Variants in PRSS50 observed in about 807,000 individuals in gnomAD.
PRSS50 encodes the protein probable threonine protease PRSS50.
In PRSS50, 23 loss-of-function variants were observed where a neutral mutation model predicts 34.2. The observed-to-expected ratio is 0.67, with a 90% CI of 0.48 to 0.95. The LOEUF (loss-of-function observed/expected upper bound fraction) is 0.95, where lower values mean the gene tolerates loss of function less well. Ranked by LOEUF, PRSS50 falls within the 40% of genes least tolerant of loss-of-function variation. PRSS50 has a pLI of 0.00. For synonymous variants in PRSS50, 224 were observed against 211.2 expected, an observed-to-expected ratio of 1.06 and a Z score of -0.53; for missense variants, 484 against 513.4, an observed-to-expected ratio of 0.94 and a Z score of 0.55.
chr3:46,712,937 C>T lies in PRSS50; in HGVS notation c.885G>A (p.Met295Ile), dbSNP rs1700638459. 1 of 1,614,188 alleles carries T rather than the reference C, an allele frequency of 6.2e-7. No individual in the cohort carries two copies. The highest frequency in any genetic ancestry group is 8.5e-7 in the Non-Finnish European group (1 of 1,180,020). ...TCTCCCTGTGGGTGTCCTCCGCACA[C>T]ATCATCTGGGACTTGATGATCTGAA... ...TLVQIIKSQM[M>I]CAEDTHREKF... Residue 295 changes from methionine (M) to isoleucine (I), a missense_variant, in exon 5 of 6, where the codon ATG becomes ATA. Physicochemically the swap from Met to Ile is conservative, Grantham distance 10 (BLOSUM62 1). Coordinates refer to ENST00000315170, the MANE Select transcript of PRSS50 (RefSeq NM_013270.5).
At chr3:46,714,119 G>A (rs1700649094) in intron 4 of PRSS50, 99 bp downstream of exon 4, 2 of 1,457,898 alleles carry the variant, frequency 1.4e-6, no homozygotes, top group African/African-American at 1.4e-5. Flanking sequence ...GGCTCCCTGG[G>A]GAAGGTGCCT....
Position 46,712,351 on chromosome 3 carries a change from G to T in PRSS50, c.1053C>A (p.His351Gln). 1.2e-6 allele frequency: 2 copies of T among 1,613,922 alleles called. No homozygotes were observed. The highest frequency in any genetic ancestry group is 1.7e-5 in the Admixed American group (1 of 60,004). The change falls in exon 6 of 6, where the codon CAC becomes CAA. Residue 351 changes from histidine (H) to glutamine (Q), a missense_variant. Physicochemically the swap from His to Gln is conservative, Grantham distance 24 (BLOSUM62 0). Transcript: ENST00000315170. ...PIYLQVSSYQHWIWDCLNGQA... is the reference protein window; with the variant it reads ...PIYLQVSSYQQWIWDCLNGQA... Reference sequence around the variant, plus strand: ...GCCCGTTGAGGCAGTCCCAGATCCAGTGTTGGTAGGAGGAGACCTGTAGGT... The same window carrying T: ...GCCCGTTGAGGCAGTCCCAGATCCATTGTTGGTAGGAGGAGACCTGTAGGT...
rs1202334538 is a variant in PRSS50 at position 46,715,308 on chromosome 3, C to T, written c.470+227G>A. The stretch of plus-strand genomic sequence containing the variant: ...CTTCTGAGCTTCCATTTCCCATCTG[C>T]GGAATGACTGCACGGGACTGAGAGG... On this transcript the variant is annotated intron_variant, in intron 3 of 5. Transcript: ENST00000315170. The surrounding 1 kb of genome is among the most constrained non-coding windows in gnomAD (Gnocchi z 5.2). 1.3e-5 allele frequency among the ~76,000 whole-genome samples: 2 copies of T among 152,140 alleles called. No individual in the cohort carries two copies. The highest frequency in any genetic ancestry group is 2.9e-5 in the Non-Finnish European group (2 of 68,032).
Position 46,713,070 on chromosome 3 carries a change from G to A in PRSS50, c.755-3C>T. The A allele has an allele frequency of 4.3e-6, 7 of 1,613,768 alleles. No homozygotes were observed. Among genetic ancestry groups the A allele is most frequent in the Non-Finnish European group, 5.9e-6 (7 of 1,179,774 alleles). On this transcript the variant is annotated splice_polypyrimidine_tract_variant and splice_region_variant and intron_variant, in intron 4 of 5. Coordinates refer to ENST00000315170, the MANE Select transcript of PRSS50 (RefSeq NM_013270.5). Reference sequence around the variant, plus strand: ...GGTCCGGAACTGAGGCCACATGCCTGTGGGACAGGGCCCCATTTAGGCGCA... The same window carrying A: ...GGTCCGGAACTGAGGCCACATGCCTATGGGACAGGGCCCCATTTAGGCGCA...
In PRSS50 at chr3:46,717,767, AG is replaced by A. The variant is rs770673582; in HGVS notation, c.57del (p.Ser20ProfsTer13). 2.0e-5 allele frequency: 31 copies of A among 1,583,174 alleles called. 1 individual carries two copies. The highest frequency in any genetic ancestry group is 2.6e-5 in the Non-Finnish European group (30 of 1,166,108). ...AGCAGCAGCAGGGCACCGGCGCGGG[AG>A]GGGGCAGACGTCCGGGGGCGCTGCC... The part of the protein sequence containing the change: ...ARGQRPRTSA[P>X]SRAGALLLLL... On this transcript the variant is annotated frameshift_variant, in exon 1 of 6. Coordinates refer to ENST00000315170, the MANE Select transcript of PRSS50 (RefSeq NM_013270.5). LOFTEE classifies it high-confidence loss of function. The surrounding 1 kb of genome is among the most constrained non-coding windows in gnomAD (Gnocchi z 4.5).
rs551866413 is a variant in PRSS50 at position 46,716,110 on chromosome 3, C to G, written c.308-413G>C. 1.3e-5 allele frequency among the ~76,000 whole-genome samples: 2 copies of G among 152,322 alleles called. No homozygotes were observed. The highest frequency in any genetic ancestry group is 4.1e-4 in the South Asian group (2 of 4,828). Reference sequence around the variant, plus strand: ...CTCCTCTGGGAACCCCTTTCTGTGGCTCAGTGAGAGGAAAGTGGATGCCCC... The same window carrying G: ...CTCCTCTGGGAACCCCTTTCTGTGGGTCAGTGAGAGGAAAGTGGATGCCCC... On this transcript the variant is annotated intron_variant, in intron 2 of 5. Coordinates refer to ENST00000315170, the MANE Select transcript of PRSS50 (RefSeq NM_013270.5). The surrounding 1 kb of genome is among the most constrained non-coding windows in gnomAD (Gnocchi z 4.4).
In PRSS50 at chr3:46,717,606, C is replaced by G. The variant is rs757096322; in HGVS notation, c.138G>C (p.Ala46=). The change falls in exon 2 of 6, where the codon GCG becomes GCC. Residue 46 remains alanine (A), a synonymous_variant. Transcript: ENST00000315170. The surrounding 1 kb of genome is among the most constrained non-coding windows in gnomAD (Gnocchi z 4.5). ...GGTCGGCGGGATCAGCAGTGGACAG[C>G]GCCCCCGGGGCTTCCCCTGCGCCCC... ...GCWGAGEAPG[A]LSTADPADQS... The G allele has an allele frequency of 2.5e-6, 4 of 1,613,124 alleles. No individual in the cohort carries two copies. The South Asian group carries it at 4.4e-5, about 18-fold the overall frequency.
rs772117290 is a variant in PRSS50 at position 46,712,196 on chromosome 3, C to T, written c.*50G>A. The T allele has an allele frequency of 2.0e-6, 3 of 1,486,288 alleles. No individual in the cohort carries two copies. In the South Asian group the frequency reaches 3.7e-5, roughly 18 times the overall value. 92.1% of individuals were successfully genotyped at this position (1,486,288 alleles called of 1,614,324 possible). The stretch of plus-strand genomic sequence containing the variant: ...GCTGTGACAGCTGCACCCACAGCAA[C>T]CTGGGCACGGAGGCAAGGGGGGCCC... On this transcript the variant is annotated 3_prime_UTR_variant, in exon 6 of 6. Coordinates refer to ENST00000315170, the MANE Select transcript of PRSS50 (RefSeq NM_013270.5).
In PRSS50 at chr3:46,717,663, A is replaced by C. The variant is rs1700703578; in HGVS notation, c.107-26T>G. On this transcript the variant is annotated intron_variant, in intron 1 of 5. Coordinates refer to ENST00000315170, the MANE Select transcript of PRSS50 (RefSeq NM_013270.5). The surrounding 1 kb of genome is among the most constrained non-coding windows in gnomAD (Gnocchi z 4.5). ...CTGCGGAGGACGTCGAGCGGATTAG[A>C]GGTGGAAGGCGAGGGCCGCGTCAGG... The C allele has an allele frequency of 6.2e-7, 1 of 1,608,548 alleles. No individual in the cohort carries two copies. The highest frequency in any genetic ancestry group is 1.3e-5 in the African/African-American group (1 of 74,750).
intron 4 of PRSS50, among the ~76,000 whole-genome samples, 164 bp from the exon 5 acceptor site, chr3:46,713,231 G>GC (rs1396762999): frequency 6.6e-6 from 1 of 152,094 alleles, no homozygotes; most frequent in Non-Finnish European, 1.5e-5. Flanking sequence ...TCAACACAGA[G>GC]CCCCCGGAGC....
At position 46,714,282 on chromosome 3, in the gene PRSS50, C is replaced by T. The variant is rs561610741; in HGVS notation, c.690G>A (p.Thr230=). 4.3e-6 allele frequency: 7 copies of T among 1,614,144 alleles called. No homozygotes were observed. Among genetic ancestry groups the T allele is most frequent in the South Asian group, 3.3e-5 (3 of 91,084 alleles). ...GGGAATGGTCCTTCAACACATAGTC[C>T]GTGCCAGGCAGGCAGATGGGCCGCA... ...NYVRPICLPG[T]DYVLKDHSRC... The change falls in exon 4 of 6, where the codon ACG becomes ACA. Residue 230 remains threonine (T), a synonymous_variant. Coordinates refer to ENST00000315170, the MANE Select transcript of PRSS50 (RefSeq NM_013270.5).
Position 46,717,711 on chromosome 3 carries a change from G to T in PRSS50, c.106+8C>A. The T allele has an allele frequency of 6.3e-7, 1 of 1,598,008 alleles. No homozygotes were observed. The highest frequency in any genetic ancestry group is 2.3e-5 in the East Asian group (1 of 44,014). On this transcript the variant is annotated splice_region_variant and intron_variant, in intron 1 of 5. Transcript: ENST00000315170. This position sits in a 1 kb window ranked among gnomAD's most constrained non-coding sequence, Gnocchi z 4.5. ...AGGCGGGTGGGGTAGGGATCGGGAG[G>T]GACTCACCTGCAGACCTCAGCAACA...
At position 46,717,135 on chromosome 3, in the gene PRSS50, C is replaced by T. The variant is rs573319781; in HGVS notation, c.307+302G>A. 6.6e-6 allele frequency among the ~76,000 whole-genome samples: 1 copy of T among 152,316 alleles called. No homozygotes were observed. Among genetic ancestry groups the T allele is most frequent in the South Asian group, 2.1e-4 (1 of 4,822 alleles). On this transcript the variant is annotated intron_variant, in intron 2 of 5. Coordinates refer to ENST00000315170, the MANE Select transcript of PRSS50 (RefSeq NM_013270.5). This position sits in a 1 kb window ranked among gnomAD's most constrained non-coding sequence, Gnocchi z 4.5. Reference sequence around the variant, plus strand: ...GGCCTGGAGCAGGGTGAGAGGCCACCTGCCCCACAGCCAGCTCAGGCGAGG... The same window carrying T: ...GGCCTGGAGCAGGGTGAGAGGCCACTTGCCCCACAGCCAGCTCAGGCGAGG...
rs762731232 is a variant in PRSS50, at chr3:46,712,210, C to T, written c.*36G>A. On this transcript the variant is annotated 3_prime_UTR_variant, in exon 6 of 6. Coordinates refer to ENST00000315170, the MANE Select transcript of PRSS50 (RefSeq NM_013270.5). ...ACCCACAGCAACCTGGGCACGGAGG[C>T]AAGGGGGGCCCACAAGTGAGGGAGG... 21 of 1,557,090 alleles carry T rather than the reference C, an allele frequency of 1.3e-5. No homozygotes were observed. The highest frequency in any genetic ancestry group is 1.8e-5 in the Admixed American group (1 of 55,604).
At position 46,715,525 on chromosome 3, in the gene PRSS50, C is replaced by T. The variant is rs1258183108; in HGVS notation, c.470+10G>A. The T allele has an allele frequency of 6.2e-7, 1 of 1,608,240 alleles. No individual in the cohort carries two copies. The highest frequency in any genetic ancestry group is 8.5e-7 in the Non-Finnish European group (1 of 1,175,382). On this transcript the variant is annotated intron_variant, in intron 3 of 5. Coordinates refer to ENST00000315170, the MANE Select transcript of PRSS50 (RefSeq NM_013270.5). This position sits in a 1 kb window ranked among gnomAD's most constrained non-coding sequence, Gnocchi z 5.2. ...ACCTCTCCACCCACCCCACCTCAGCCTTGACTCACCAGATCAGGCAGTGGG... is the reference window on the plus strand; with the variant it reads ...ACCTCTCCACCCACCCCACCTCAGCTTTGACTCACCAGATCAGGCAGTGGG...
chr3:46,714,838 G>A (rs1453946355), intron 3 of PRSS50, among the ~76,000 whole-genome samples: 1 of 152,218 alleles, frequency 6.6e-6, no homozygotes. Context: ...CCATAGCATG[G>A]ACTCTTTCAC....
rs563436161 is a variant in PRSS50, at chr3:46,716,701, C to T, written c.307+736G>A. ...CCACGGCTGGTGGGAGTGCTCACTG[C>T]TGCAGCCGCTTTGGAAAACAATTTC... On this transcript the variant is annotated intron_variant, in intron 2 of 5. Coordinates refer to ENST00000315170, the MANE Select transcript of PRSS50 (RefSeq NM_013270.5). This position sits in a 1 kb window ranked among gnomAD's most constrained non-coding sequence, Gnocchi z 4.4. 6.6e-6 allele frequency among the ~76,000 whole-genome samples: 1 copy of T among 152,228 alleles called. No homozygotes were observed. The highest frequency in any genetic ancestry group is 1.5e-5 in the Non-Finnish European group (1 of 68,042).
Position 46,714,477 on chromosome 3 carries a change from C to T in PRSS50, c.495G>A (p.Arg165=), listed in dbSNP as rs1465221890. The T allele has an allele frequency of 6.2e-7, 1 of 1,603,192 alleles. No individual in the cohort carries two copies. ...LIWRDVIYSV[R]VGSPWIDQMT... ...TCTGGTCAATCCACGGACTCCCCAC[C>T]CTCACTGAGTAGATAACATCACGCC... The change falls in exon 4 of 6, where the codon AGG becomes AGA. Residue 165 remains arginine (R), a synonymous_variant. Coordinates refer to ENST00000315170, the MANE Select transcript of PRSS50 (RefSeq NM_013270.5).
rs1452236299 is a variant in PRSS50, at chr3:46,717,840, G to A, written c.-16C>T. 4.7e-6 allele frequency: 7 copies of A among 1,482,100 alleles called. No individual in the cohort carries two copies. Among genetic ancestry groups the A allele is most frequent in the South Asian group, 1.4e-5 (1 of 72,382 alleles). The allele number at this position is 1,482,100 out of a possible 1,614,324, so 91.8% of individuals were successfully genotyped here. A position where few individuals can be genotyped will look rare whatever the true frequency, so the allele number is the denominator to read the frequency against. Reference sequence around the variant, plus strand: ...AGCGACCCATCCCGGGGTGGCAGCCGACTGCGTCTCTCCGGAAGGCGCTCC... The same window carrying A: ...AGCGACCCATCCCGGGGTGGCAGCCAACTGCGTCTCTCCGGAAGGCGCTCC... On this transcript the variant is annotated 5_prime_UTR_variant, in exon 1 of 6. Coordinates refer to ENST00000315170, the MANE Select transcript of PRSS50 (RefSeq NM_013270.5). The surrounding 1 kb of genome is among the most constrained non-coding windows in gnomAD (Gnocchi z 4.5).
Sources: gnomAD v4.1 joint callset for allele counts (sites outside exome capture counted in the v4.1 genomes callset) on GRCh38, gnomAD v4.1.1 for gene constraint, Gnocchi (gnomAD v3.1) non-coding constraint, MANE v1.5 for transcripts, NCBI Gene and HGNC (gene_info 2026-07-23, HGNC 2026-07-21) for gene names.